Variants in GALNT9 observed in about 807,000 individuals in gnomAD.
GALNT9 encodes the protein polypeptide N-acetylgalactosaminyltransferase 9.
In GALNT9, 47 loss-of-function variants were observed where a neutral mutation model predicts 63.1. That is an observed-to-expected ratio of 0.75 (90% CI 0.59 to 0.95). The LOEUF (loss-of-function observed/expected upper bound fraction) is 0.95, where lower values mean the gene tolerates loss of function less well. GALNT9 is among the 40% of genes least tolerant of loss of function. GALNT9 has a pLI of 0.00. For missense variants in GALNT9, 829 were observed against 874.8 expected, an observed-to-expected ratio of 0.95 and a Z score of 0.66; for synonymous variants, 396 against 365.7, an observed-to-expected ratio of 1.08 and a Z score of -0.94.
chr12:132,210,320 G>A (rs1565987569), intron 6 of GALNT9, among the ~76,000 whole-genome samples: 1 of 152,274 alleles, frequency 6.6e-6, no homozygotes. Context: ...GCCTGCGGGC[G>A]AGGCCGTCCC....
intron 6 of GALNT9, among the ~76,000 whole-genome samples, chr12:132,222,635 G>A (rs1289247536): frequency 6.6e-6 from 1 of 151,898 alleles, no homozygotes; most frequent in Admixed American, 6.6e-5. Flanking sequence ...ACTCAGGCTN[G>A]TTAGCCACGG....
In GALNT9 at chr12:132,245,271, G is replaced by A. The variant is rs144889038; in HGVS notation, c.1077+2639C>T. On this transcript the variant is annotated intron_variant, in intron 6 of 10. Coordinates refer to ENST00000328957, the MANE Select transcript of GALNT9 (RefSeq NM_001122636.2). This position sits in a 1 kb window ranked among gnomAD's most constrained non-coding sequence, Gnocchi z 6.3. ...AGCCTGATCAACATGGTGAAACCTC[G>A]TCTCTACTAAAAGTACAAAAATTAG... Among the ~76,000 whole-genome samples, 1,499 of 152,122 alleles carry A rather than the reference G, an allele frequency of 9.9e-3. 33 individuals are homozygous for A. Among genetic ancestry groups the A allele is most frequent in the African/African-American group, 0.034 (1,422 of 41,468 alleles).
chr12:132,295,665 C>T (rs79199927), intron 1 of GALNT9, among the ~76,000 whole-genome samples: 12,442 of 152,332 alleles, frequency 0.082, 597 homozygotes, highest in Non-Finnish European at 0.1. Flanking sequence ...AGGATCCTCC[C>T]CTGGAGACTA....
intron 6 of GALNT9, among the ~76,000 whole-genome samples, chr12:132,204,812 C>G (rs1400701979): frequency 1.3e-5 from 2 of 152,130 alleles, no homozygotes; most frequent in African/African-American, 4.8e-5. Context: ...GCTGACATCA[C>G]TATGAACAAA....
chr12:132,285,405 G>A (rs1044650465), intron 2 of GALNT9, among the ~76,000 whole-genome samples: 1 of 152,240 alleles, frequency 6.6e-6, no homozygotes, highest in Non-Finnish European at 1.5e-5. Context: ...AACTTTATCC[G>A]AGCAACAATG....
chr12:132,204,040 C>T (rs1390598421), intron 6 of GALNT9, among the ~76,000 whole-genome samples: 1 of 152,016 alleles, frequency 6.6e-6, no homozygotes, highest in East Asian at 1.9e-4. Context: ...GAACCCCCCG[C>T]CCCACTGCAC....
In GALNT9 at chr12:132,230,422, G is replaced by C. The variant is rs922520841; in HGVS notation, c.1077+17488C>G. ...TACAAACCAACTGCAGGGGGGTTTG[G>C]TGGGTCTACGGGCACCTGGCGTTCG... is the stretch of plus-strand genomic sequence containing the variant. On this transcript the variant is annotated intron_variant, in intron 6 of 10. Coordinates refer to ENST00000328957, the MANE Select transcript of GALNT9 (RefSeq NM_001122636.2). Among the ~76,000 whole-genome samples the C allele has an allele frequency of 7.2e-5, 11 of 152,366 alleles. 1 individual carries two copies. The highest frequency in any genetic ancestry group is 1.3e-4 in the Admixed American group (2 of 15,312).
intron 10 of GALNT9, among the ~76,000 whole-genome samples, chr12:132,197,568 C>T (rs1875607398): frequency 6.7e-6 from 1 of 148,758 alleles, no homozygotes; most frequent in Non-Finnish European, 1.5e-5. Flanking sequence ...TCAGACTGTC[C>T]AGCCCGACCC....
At chr12:132,207,515 G>A (rs999318619) in intron 6 of GALNT9, among the ~76,000 whole-genome samples, 1 of 152,208 alleles carries the variant, frequency 6.6e-6, no homozygotes, top group African/African-American at 2.4e-5. Flanking sequence ...CCGTCAGTGT[G>A]TGCTGAGCTT....
intron 5 of GALNT9, among the ~76,000 whole-genome samples, chr12:132,253,746 A>AGTGAG (rs1302087449): frequency 1.3e-5 from 2 of 152,188 alleles, no homozygotes; most frequent in African/African-American, 4.8e-5. Flanking sequence ...GGACTTAAAA[A>AGTGAG]GTGAGGTGGT....
At chr12:132,201,997 G>C (rs1487511345) in intron 7 of GALNT9, among the ~76,000 whole-genome samples, 1 of 152,234 alleles carries the variant, frequency 6.6e-6, no homozygotes, top group African/African-American at 2.4e-5. Flanking sequence ...CAGGCCTTGT[G>C]GGGAGGGCAG....
rs187593759 is a variant in GALNT9 at position 132,238,877 on chromosome 12, G to C, written c.1077+9033C>G. Among the ~76,000 whole-genome samples, 23 of 152,308 alleles carry C rather than the reference G, an allele frequency of 1.5e-4. No individual in the cohort carries two copies. In the East Asian group the frequency reaches 4.4e-3, roughly 29 times the overall value. On this transcript the variant is annotated intron_variant, in intron 6 of 10. Coordinates refer to ENST00000328957, the MANE Select transcript of GALNT9 (RefSeq NM_001122636.2). This position sits in a 1 kb window ranked among gnomAD's most constrained non-coding sequence, Gnocchi z 6.5. ...AGGAAACTCTTTATCACTGCCTTAG[G>C]AGAGGACCATTATCTCTTGCCAAAA...
In GALNT9 at chr12:132,282,336, T is replaced by G. The variant is rs1369271533; in HGVS notation, c.419+3914A>C. ...CAGAGGGGGAATCCAATGGGACCCC[T>G]GCAGCTCTAAGAACAGAAAACCCAA... On this transcript the variant is annotated intron_variant, in intron 2 of 10. Coordinates refer to ENST00000328957, the MANE Select transcript of GALNT9 (RefSeq NM_001122636.2). The surrounding 1 kb of genome is among the most constrained non-coding windows in gnomAD (Gnocchi z 4.5). Among the ~76,000 whole-genome samples the G allele has an allele frequency of 6.6e-6, 1 of 152,208 alleles. No homozygotes were observed. Among genetic ancestry groups the G allele is most frequent in the Non-Finnish European group, 1.5e-5 (1 of 68,046 alleles).
intron 1 of GALNT9, among the ~76,000 whole-genome samples, chr12:132,308,753 C>T (rs1555244880): frequency 6.6e-6 from 1 of 152,222 alleles, no homozygotes; most frequent in East Asian, 1.9e-4. Context: ...TGAGGCTCAC[C>T]GTGGCCATGC....
rs111807559 is a variant in GALNT9, at chr12:132,323,990, G to T, written c.238+4976C>A. On this transcript the variant is annotated intron_variant, in intron 1 of 10. Transcript: ENST00000328957. ...CGTGGGACGTTGTAATACACGGAGGGAATTCAGGGGAGGGTAGAGACGATG... is the reference window on the plus strand; with the variant it reads ...CGTGGGACGTTGTAATACACGGAGGTAATTCAGGGGAGGGTAGAGACGATG... 3.0e-3 allele frequency among the ~76,000 whole-genome samples: 451 copies of T among 152,362 alleles called. 1 individual carries two copies. Among genetic ancestry groups the T allele is most frequent in the African/African-American group, 0.01 (425 of 41,582 alleles).
chr12:132,213,551 TCACA>T (rs1179369357), intron 6 of GALNT9, among the ~76,000 whole-genome samples: 3 of 150,840 alleles, frequency 2.0e-5, no homozygotes, highest in South Asian at 2.1e-4. Context: ...ACAGGCGCAC[TCACA>T]CAGTCACACA....
intron 1 of GALNT9, among the ~76,000 whole-genome samples, chr12:132,287,187 T>C (rs28459286): frequency 0.7 from 105,075 of 151,038 alleles, 36,757 homozygotes; most frequent in African/African-American, 0.77. Context: ...CTCAGTGAGT[T>C]TCCTGCATCG....
At chr12:132,308,632 G>A (rs1426927970) in intron 1 of GALNT9, among the ~76,000 whole-genome samples, 1 of 152,200 alleles carries the variant, frequency 6.6e-6, no homozygotes, top group East Asian at 1.9e-4. Flanking sequence ...CCAGGCCAGG[G>A]CTGAGACAAA....
At chr12:132,291,397 ACG>A (rs1555242738) in intron 1 of GALNT9, among the ~76,000 whole-genome samples, 15 of 119,238 alleles carry the variant, frequency 1.3e-4, no homozygotes, top group African/African-American at 3.9e-4. Flanking sequence ...CACAGCACCC[ACG>A]TCCACAGCGC....
Sources: gnomAD v4.1 joint callset for allele counts (sites outside exome capture counted in the v4.1 genomes callset) on GRCh38, gnomAD v4.1.1 for gene constraint, Gnocchi (gnomAD v3.1) non-coding constraint, MANE v1.5 for transcripts, NCBI Gene and HGNC (gene_info 2026-07-23, HGNC 2026-07-21) for gene names.